The following SAXO1 variants were observed in gnomAD, a reference collection of about 807,000 sequenced individuals.
SAXO1 encodes the protein stabilizer of axonemal microtubules 1.
A neutral mutation model predicts 17.5 loss-of-function variants in SAXO1; 21 were observed. The observed-to-expected ratio is 1.20, with a 90% CI of 0.85 to 1.72. The LOEUF is 1.72. Among genes scored for constraint, SAXO1 ranks in the 40% most tolerant of loss-of-function variants. The probability of loss-of-function intolerance (pLI) is 0.00; values close to 1 mark genes in which losing one functional copy is unlikely to be tolerated. For missense variants in SAXO1, 843 were observed against 596.0 expected (o/e 1.41, Z -4.32); for synonymous variants, 274 against 216.5 (o/e 1.27, Z -2.33).
intron 1 of SAXO1, among the ~76,000 whole-genome samples, chr9:18,984,224 G>C (rs1025068921): frequency 6.6e-6 from 1 of 152,230 alleles, no homozygotes; most frequent in African/African-American, 2.4e-5. Flanking sequence ...GGCATAGGCA[G>C]AGTAGATTTT....
At chr9:18,985,173 C>G (rs186807588) in intron 1 of SAXO1, among the ~76,000 whole-genome samples, 1 of 152,004 alleles carries the variant, frequency 6.6e-6, no homozygotes, top group Admixed American at 6.6e-5. Flanking sequence ...TCAGAACACA[C>G]ACATATTTAT....
intron 1 of SAXO1, among the ~76,000 whole-genome samples, chr9:18,979,969 G>C (rs563078235): frequency 6.6e-6 from 1 of 152,336 alleles, no homozygotes; most frequent in African/African-American, 2.4e-5. Context: ...CCGGGACTTA[G>C]TGACAGACTG....
intron 1 of SAXO1, among the ~76,000 whole-genome samples, chr9:19,021,064 T>TC (rs556021377): frequency 6.6e-6 from 1 of 152,230 alleles, no homozygotes; most frequent in Non-Finnish European, 1.5e-5. Context: ...AAAACTGCTC[T>TC]CCTCTAGCTG....
intron 1 of SAXO1, among the ~76,000 whole-genome samples, chr9:19,015,773 C>A (rs938694259): frequency 6.6e-6 from 1 of 151,916 alleles, no homozygotes; most frequent in Non-Finnish European, 1.5e-5. Context: ...GCCATGGCAC[C>A]CAGACATATC....
At chr9:18,961,191 G>T (rs945304219) in intron 1 of SAXO1, among the ~76,000 whole-genome samples, 5 of 151,614 alleles carry the variant, frequency 3.3e-5, no homozygotes, top group African/African-American at 1.2e-4. Context: ...TGGAGGTGGG[G>T]GTTCTCGCTC....
intron 1 of SAXO1, chr9:19,028,036 C>T (rs1835580745): frequency 1.2e-6 from 2 of 1,610,454 alleles, no homozygotes; most frequent in Admixed American, 3.3e-5. Flanking sequence ...TATGATCGCA[C>T]TGCGCAGGGG....
At chr9:19,028,156 A>C (rs1241870098) in intron 1 of SAXO1, 5 of 1,499,732 alleles carry the variant, frequency 3.3e-6, no homozygotes, top group South Asian at 1.1e-5. Context: ...CCAGCCCCGG[A>C]CTCGCGGCTG....
chr9:19,018,055 C>A (rs1835063333), intron 1 of SAXO1, among the ~76,000 whole-genome samples: 1 of 152,094 alleles, frequency 6.6e-6, no homozygotes, highest in South Asian at 2.1e-4. Flanking sequence ...GTAGTCTCAG[C>A]TACCTGGGAG....
At chr9:19,027,009 AAGAGTTAACTGTTG>A (rs1835502532) in intron 1 of SAXO1, 2 of 861,808 alleles carry the variant, frequency 2.3e-6, no homozygotes, top group African/African-American at 3.3e-5. Flanking sequence ...CAAGATCATG[AAGAGTTAACTGTTG>A]AGAGTCACCC....
chr9:19,042,351 A>G (rs754378180), intron 1 of SAXO1, among the ~76,000 whole-genome samples: 2 of 152,208 alleles, frequency 1.3e-5, no homozygotes, highest in Non-Finnish European at 2.9e-5. Context: ...GTGGAAATGT[A>G]AATTATTACA....
intron 3 of SAXO1, among the ~76,000 whole-genome samples, chr9:18,940,922 T>G (rs1831525601): frequency 6.6e-6 from 1 of 152,170 alleles, no homozygotes. Context: ...CGAAACTAAT[T>G]TAAAGTATTA....
chr9:18,956,170 C>T (rs933070071), intron 1 of SAXO1, among the ~76,000 whole-genome samples: 3 of 144,576 alleles, frequency 2.1e-5, no homozygotes, highest in Non-Finnish European at 4.5e-5. Context: ...AGGCTGGTCT[C>T]AAACTCCTGG....
intron 2 of SAXO1, 44 bp from the exon 3 acceptor site, chr9:18,941,883 A>T (rs41268995): frequency 0.073 from 114,700 of 1,576,580 alleles, 7,883 homozygotes; most frequent in African/African-American, 0.37. Context: ...TTGGCTTGCG[A>T]TAAGGCTTAT....
chr9:18,937,543 C>A (rs1012424556), intron 3 of SAXO1, among the ~76,000 whole-genome samples: 1 of 152,162 alleles, frequency 6.6e-6, no homozygotes, highest in Admixed American at 6.5e-5. Context: ...TCTGAATGTG[C>A]CCCAAAATTC....
At chr9:19,024,172 C>G (rs959899638) in intron 1 of SAXO1, among the ~76,000 whole-genome samples, 16 of 151,710 alleles carry the variant, frequency 1.1e-4, no homozygotes, top group Non-Finnish European at 2.1e-4. Context: ...GCTTCCGGCA[C>G]GATCTCCTGC....
At chr9:18,977,993 C>CAAA (rs371914686) in intron 1 of SAXO1, among the ~76,000 whole-genome samples, 81 of 98,640 alleles carry the variant, frequency 8.2e-4, no homozygotes, top group Middle Eastern at 5.1e-3. Flanking sequence ...GAGACCCTGC[C>CAAA]AAAAAAAAAA....
chr9:18,953,101 C>T (rs1219799975), intron 1 of SAXO1, among the ~76,000 whole-genome samples: 1 of 152,162 alleles, frequency 6.6e-6, no homozygotes, highest in Non-Finnish European at 1.5e-5. Flanking sequence ...TCCGACAAAC[C>T]TCAGATCGAA....
chr9:18,949,126 T>C (rs1317860601), intron 2 of SAXO1, among the ~76,000 whole-genome samples: 4 of 152,220 alleles, frequency 2.6e-5, no homozygotes. Context: ...CAAACTTTAG[T>C]GTTCATATTG....
chr9:19,013,318 C>T (rs191471609), intron 1 of SAXO1, among the ~76,000 whole-genome samples: 1 of 152,218 alleles, frequency 6.6e-6, no homozygotes, highest in Non-Finnish European at 1.5e-5. Flanking sequence ...GCTATAATAG[C>T]AGATTTTGCA....
Sources: gnomAD v4.1 joint callset for allele counts (sites outside exome capture counted in the v4.1 genomes callset) on GRCh38, gnomAD v4.1.1 for gene constraint, MANE v1.5 for transcripts, NCBI Gene and HGNC (gene_info 2026-07-23, HGNC 2026-07-21) for gene names.